BCL9: variants seen among roughly 807,000 people sequenced by gnomAD.
The protein encoded by BCL9 is B-cell CLL/lymphoma 9 protein.
In BCL9, 25 loss-of-function variants were observed where a neutral mutation model predicts 88.5. The ratio of observed to expected loss-of-function variants is 0.28; its 90% CI spans 0.21 to 0.39. The LOEUF (loss-of-function observed/expected upper bound fraction) is 0.39, where lower values mean the gene tolerates loss of function less well. Among genes scored for constraint, BCL9 ranks in the 10% least tolerant of loss-of-function variants. The pLI is 1.00. For synonymous variants in BCL9, 711 were observed against 673.3 expected, an observed-to-expected ratio of 1.06 and a Z score of -0.87; for missense variants, 1,817 against 1,877.8, an observed-to-expected ratio of 0.97 and a Z score of 0.60.
chr1:147,602,198 G>A (rs1553201404), intron 1 of BCL9, among the ~76,000 whole-genome samples: 3 of 125,484 alleles, frequency 2.4e-5, no homozygotes, highest in Non-Finnish European at 3.3e-5. Flanking sequence ...CACCGCGCCC[G>A]GCTAGAAGAG....
rs1658905720 is a variant in BCL9 at position 147,625,636 on chromosome 1, T to G, written c.*677T>G. 4.4e-6 allele frequency: 1 copy of G among 229,052 alleles called. No homozygotes were observed. The highest frequency in any genetic ancestry group is 5.7e-5 in the Admixed American group (1 of 17,532). The allele number at this position is 229,052 out of a possible 1,614,324, so 14.2% of individuals were successfully genotyped here. A position where few individuals can be genotyped will look rare whatever the true frequency, so the allele number is the denominator to read the frequency against. On this transcript the variant is annotated 3_prime_UTR_variant, in exon 10 of 10. Coordinates refer to ENST00000234739, the MANE Select transcript of BCL9 (RefSeq NM_004326.4). The stretch of plus-strand genomic sequence containing the variant: ...TGAAAAATAATGACTCTTAGGACAT[T>G]TGTTTTTCAGTTCAAGTGCTCTTCA...
At chr1:147,556,673 T>C (rs940487006) in intron 1 of BCL9, among the ~76,000 whole-genome samples, 11 of 151,648 alleles carry the variant, frequency 7.3e-5, no homozygotes, top group Admixed American at 5.3e-4. Flanking sequence ...GGTCTTGAAC[T>C]CTTAGGCTCA....
chr1:147,605,666 C>T (rs1262074355), intron 2 of BCL9, among the ~76,000 whole-genome samples: 1 of 152,168 alleles, frequency 6.6e-6, no homozygotes, highest in East Asian at 1.9e-4. Flanking sequence ...GCATAGTTTA[C>T]TTTCTCCACA....
intron 1 of BCL9, among the ~76,000 whole-genome samples, chr1:147,594,993 G>A (rs1393368793): frequency 1.3e-5 from 2 of 152,222 alleles, no homozygotes; most frequent in African/African-American, 4.8e-5. Flanking sequence ...AGAGTGAGCA[G>A]CGTCCTTCAG....
In BCL9 at chr1:147,593,410, G is replaced by A. The variant is rs116917795; in HGVS notation, c.-477-11367G>A. ...AGTCCTTTGCCTGGCTGACTCCTACGCATTCTTTAAGATTCCACTCAGGTC... is the reference window on the plus strand; with the variant it reads ...AGTCCTTTGCCTGGCTGACTCCTACACATTCTTTAAGATTCCACTCAGGTC... On this transcript the variant is annotated intron_variant, in intron 1 of 9. Coordinates refer to ENST00000234739, the MANE Select transcript of BCL9 (RefSeq NM_004326.4). Among the ~76,000 whole-genome samples, 19 of 152,148 alleles carry A rather than the reference G, an allele frequency of 1.2e-4. 1 individual carries two copies. The South Asian group carries it at 3.5e-3, about 28-fold the overall frequency.
chr1:147,615,884 G>C lies in BCL9; in HGVS notation c.642G>C (p.Glu214Asp), dbSNP rs375569438. ...AGAACATTTCTAACAACAAGACAGA[G>C]AGAAGCACAGCGCCTCTGGTATGTT... ...HIQNISNNKT[E>D]RSTAPLNTQI... Residue 214 changes from glutamate to aspartate, a missense_variant, in exon 7 of 10, where the codon GAG becomes GAC. Transcript: ENST00000234739. The C allele has an allele frequency of 1.6e-5, 26 of 1,613,602 alleles. No homozygotes were observed. Among genetic ancestry groups the C allele is most frequent in the Middle Eastern group, 1.6e-4 (1 of 6,082 alleles).
intron 1 of BCL9, among the ~76,000 whole-genome samples, chr1:147,557,559 C>G (rs1227806436): frequency 1.3e-5 from 2 of 152,070 alleles, no homozygotes; most frequent in Non-Finnish European, 2.9e-5. Context: ...ATCCTCCTTC[C>G]TAAGATAAAG....
At chr1:147,600,117 G>T (rs1447628674) in intron 1 of BCL9, 4 of 150,572 alleles carry the variant, frequency 2.7e-5, no homozygotes, top group South Asian at 1.8e-4. Context: ...GGGCGGGACC[G>T]GGAGGGGGGA....
intron 1 of BCL9, among the ~76,000 whole-genome samples, chr1:147,546,994 A>C (rs1654634629): frequency 4.5e-5 from 1 of 22,322 alleles, no homozygotes; most frequent in South Asian, 3.1e-3. Flanking sequence ...CTTTTCCATA[A>C]AAATCGTGTT....
intron 3 of BCL9, among the ~76,000 whole-genome samples, chr1:147,609,318 A>G (rs1570899931): frequency 6.6e-6 from 1 of 152,220 alleles, no homozygotes; most frequent in East Asian, 1.9e-4. Flanking sequence ...CAGAAAGGCT[A>G]AAAGTAGGGA....
intron 1 of BCL9, among the ~76,000 whole-genome samples, chr1:147,587,920 A>G (rs1656689864): frequency 1.3e-5 from 2 of 152,218 alleles, no homozygotes; most frequent in South Asian, 4.1e-4. Context: ...AGACACATAA[A>G]ATAAATTACG....
chr1:147,599,892 C>T (rs1657267616), intron 1 of BCL9, among the ~76,000 whole-genome samples: 1 of 150,284 alleles, frequency 6.7e-6, no homozygotes. Context: ...GGGGGACGAG[C>T]GACTTTCCCT....
At chr1:147,564,779 T>C (rs1553196491) in intron 1 of BCL9, among the ~76,000 whole-genome samples, 1 of 152,228 alleles carries the variant, frequency 6.6e-6, no homozygotes, top group Non-Finnish European at 1.5e-5. Flanking sequence ...GTGCCTTCCT[T>C]TATTCTTCTG....
chr1:147,605,373 C>T (rs1177441037), intron 2 of BCL9, among the ~76,000 whole-genome samples: 3 of 152,072 alleles, frequency 2.0e-5, no homozygotes, highest in Non-Finnish European at 4.4e-5. Context: ...ATTATAATGC[C>T]GGGGGCCATG....
Position 147,620,225 on chromosome 1 carries a change from G to A in BCL9, c.2070G>A (p.Arg690=), listed in dbSNP as rs782334262. ...IPVEGPLSPS[R]GDFPKGIPPQ... ...TTGAGGGCCCTCTGAGTCCTTCTAG[G>A]GGTGACTTTCCAAAAGGAATTCCCC... The change falls in exon 8 of 10, where the codon AGG becomes AGA. Residue 690 remains arginine, a synonymous_variant. Coordinates refer to ENST00000234739, the MANE Select transcript of BCL9 (RefSeq NM_004326.4). 1 of 1,614,090 alleles carries A rather than the reference G, an allele frequency of 6.2e-7. No homozygotes were observed. Among genetic ancestry groups the A allele is most frequent in the Non-Finnish European group, 8.5e-7 (1 of 1,179,996 alleles).
At position 147,576,760 on chromosome 1, in the gene BCL9, G is replaced by A. The variant is rs587723384; in HGVS notation, c.-477-28017G>A. On this transcript the variant is annotated intron_variant, in intron 1 of 9. Coordinates refer to ENST00000234739, the MANE Select transcript of BCL9 (RefSeq NM_004326.4). ...TCCAGTCACTGTAGGGAACTTATGT[G>A]AGGAAACTTACTGCTGGTCTCTTGT... 3.9e-5 allele frequency among the ~76,000 whole-genome samples: 6 copies of A among 152,232 alleles called. No individual in the cohort carries two copies. The South Asian group carries it at 1.2e-3, about 32-fold the overall frequency.
intron 1 of BCL9, among the ~76,000 whole-genome samples, chr1:147,575,305 C>T (rs1200587138): frequency 6.6e-6 from 1 of 152,182 alleles, no homozygotes; most frequent in Non-Finnish European, 1.5e-5. Context: ...TTTCCTGACA[C>T]AGCTCCTTGT....
intron 3 of BCL9, among the ~76,000 whole-genome samples, chr1:147,608,599 C>A (rs1036007456): frequency 3.3e-5 from 5 of 152,126 alleles, no homozygotes; most frequent in Non-Finnish European, 7.4e-5. Context: ...TGCCTGGCAA[C>A]ATCTCTTCCT....
intron 1 of BCL9, among the ~76,000 whole-genome samples, chr1:147,558,168 A>C (rs371150098): frequency 1.4e-4 from 21 of 152,194 alleles, no homozygotes; most frequent in Non-Finnish European, 1.3e-4. Context: ...AGATGAAAAA[A>C]GTGAGGCTTG....
Sources: gnomAD v4.1 joint callset for allele counts (sites outside exome capture counted in the v4.1 genomes callset) on GRCh38, gnomAD v4.1.1 for gene constraint, MANE v1.5 for transcripts, NCBI Gene and HGNC (gene_info 2026-07-23, HGNC 2026-07-21) for gene names.